The following PSD3 variants were observed in gnomAD, a reference collection of about 807,000 sequenced individuals.
PSD3 encodes the protein pleckstrin and Sec7 domain containing 3, also known as PH and SEC7 domain-containing protein 3.
PSD3 carries 49 observed loss-of-function variants against 105.5 expected under a neutral mutation model. The observed-to-expected ratio is 0.46, with a 90% CI of 0.37 to 0.59. The LOEUF is 0.59. Ranked by LOEUF, PSD3 falls within the 20% of genes least tolerant of loss-of-function variation. PSD3 has a pLI of 0.00. For missense variants in PSD3, 1,561 were observed against 1,263.8 expected (o/e 1.24, Z -3.57); for synonymous variants, 557 against 457.8 (o/e 1.22, Z -2.77).
chr8:18,919,473 G>A (rs774837246), intron 2 of PSD3, among the ~76,000 whole-genome samples: 3 of 151,964 alleles, frequency 2.0e-5, no homozygotes, highest in Non-Finnish European at 4.4e-5. Flanking sequence ...CTAGATTTCT[G>A]AGTCAAACAG....
intron 1 of PSD3, among the ~76,000 whole-genome samples, chr8:18,970,910 C>T (rs962183166): frequency 5.5e-5 from 8 of 144,350 alleles, no homozygotes; most frequent in Non-Finnish European, 1.1e-4. Context: ...ACCCAGGAGG[C>T]GGAGGTTACA....
intron 15 of PSD3, among the ~76,000 whole-genome samples, chr8:18,546,425 A>T (rs1800454123): frequency 6.6e-6 from 1 of 152,184 alleles, no homozygotes. Flanking sequence ...TTCCAACCCA[A>T]GGAGTCAGTG....
intron 1 of PSD3, chr8:19,000,777 A>C (rs2898484): frequency 6.6e-6 from 1 of 151,618 alleles, no homozygotes; most frequent in African/African-American, 2.4e-5. Flanking sequence ...CGTTAGACGA[A>C]GCTAAATATC....
chr8:18,908,016 G>A (rs558081785), intron 2 of PSD3, among the ~76,000 whole-genome samples: 2 of 152,124 alleles, frequency 1.3e-5, no homozygotes, highest in Non-Finnish European at 2.9e-5. Context: ...ACTATCTGTA[G>A]AATATACATA....
chr8:18,645,586 G>A (rs935332490), intron 10 of PSD3, among the ~76,000 whole-genome samples: 2 of 152,128 alleles, frequency 1.3e-5, no homozygotes, highest in Non-Finnish European at 1.5e-5. Context: ...AGATTGTCTT[G>A]TAAGTTTGTT....
chr8:18,556,122 T>G (rs1208205641), intron 15 of PSD3, 87 bp downstream of exon 15: 2 of 1,468,560 alleles, frequency 1.4e-6, no homozygotes, highest in Non-Finnish European at 1.8e-6. Context: ...CCTCTCTCAG[T>G]GACACTGCAA....
chr8:18,768,052 C>G (rs1477716883), intron 8 of PSD3, among the ~76,000 whole-genome samples: 1 of 140,526 alleles, frequency 7.1e-6, no homozygotes, highest in Non-Finnish European at 1.5e-5. Flanking sequence ...AGGCGGATCA[C>G]TTGAGGTCAG....
At chr8:18,798,825 AC>A (rs1393353023) in intron 8 of PSD3, among the ~76,000 whole-genome samples, 2 of 152,108 alleles carry the variant, frequency 1.3e-5, no homozygotes, top group African/African-American at 4.8e-5. Context: ...AGATGATGAG[AC>A]GGTAATTAGT....
intron 9 of PSD3, among the ~76,000 whole-genome samples, chr8:18,669,578 G>T (rs1334623453): frequency 2.0e-5 from 3 of 152,186 alleles, no homozygotes; most frequent in Non-Finnish European, 4.4e-5. Context: ...ATCCACAGTG[G>T]GGAGGCACTG....
intron 15 of PSD3, among the ~76,000 whole-genome samples, chr8:18,552,872 G>A (rs987344936): frequency 6.6e-6 from 1 of 152,176 alleles, no homozygotes; most frequent in African/African-American, 2.4e-5. Flanking sequence ...CCCATTCTGA[G>A]TAAAGTTTGC....
intron 14 of PSD3, among the ~76,000 whole-genome samples, chr8:18,556,779 T>C (rs376078494): frequency 5.9e-5 from 9 of 152,332 alleles, no homozygotes; most frequent in African/African-American, 2.2e-4. Flanking sequence ...AATGAATGAA[T>C]TGTAATTGTC....
At chr8:18,851,513 C>A (rs530652286) in intron 4 of PSD3, among the ~76,000 whole-genome samples, 1 of 152,246 alleles carries the variant, frequency 6.6e-6, no homozygotes, top group Non-Finnish European at 1.5e-5. Context: ...CCCTCTGCTA[C>A]GAGGCAAGCT....
intron 9 of PSD3, among the ~76,000 whole-genome samples, chr8:18,706,109 G>C (rs1481236778): frequency 6.6e-6 from 1 of 152,092 alleles, no homozygotes; most frequent in African/African-American, 2.4e-5. Flanking sequence ...CACAGGAAGG[G>C]CTTGTCACTG....
intron 4 of PSD3, among the ~76,000 whole-genome samples, chr8:18,861,896 G>T (rs1432890342): frequency 6.6e-6 from 1 of 151,982 alleles, no homozygotes; most frequent in African/African-American, 2.4e-5. Context: ...AGAACAAGCT[G>T]CCAGAAAAGA....
At chr8:18,624,616 G>C (rs573688611) in intron 11 of PSD3, among the ~76,000 whole-genome samples, 3 of 148,452 alleles carry the variant, frequency 2.0e-5, no homozygotes, top group Non-Finnish European at 4.5e-5. Context: ...CAGCACACCA[G>C]CATGGCACAT....
chr8:18,865,266 A>T (rs868479431), intron 4 of PSD3: 3 of 3,286 alleles, frequency 9.1e-4, no homozygotes, highest in African/African-American at 2.4e-3. Flanking sequence ...ATATATATAT[A>T]TATATATATA....
chr8:18,935,803 G>A (rs142273591), intron 2 of PSD3, among the ~76,000 whole-genome samples: 157 of 152,140 alleles, frequency 1.0e-3, no homozygotes, highest in African/African-American at 3.7e-3. Context: ...AATATCAGAA[G>A]CTGAGAATTC....
intron 9 of PSD3, among the ~76,000 whole-genome samples, chr8:18,676,759 T>A (rs1025615517): frequency 6.6e-6 from 1 of 152,204 alleles, no homozygotes; most frequent in African/African-American, 2.4e-5. Flanking sequence ...ATCTGTGCTT[T>A]GCCTAATAAA....
rs1056781547 is a variant in PSD3 at position 18,531,908 on chromosome 8, G to C, written c.*3835C>G. 3.3e-5 allele frequency: 5 copies of C among 152,188 alleles called. No homozygotes were observed. Among genetic ancestry groups the C allele is most frequent in the Non-Finnish European group, 7.3e-5 (5 of 68,048 alleles). The allele number at this position is 152,188 out of a possible 1,614,324, so 9.4% of individuals were successfully genotyped here. ...CCCAACCTGCTGAAAACTCGACCAA[G>C]TCCACGGGAGTTAAATTACAGAGAT... On this transcript the variant is annotated 3_prime_UTR_variant, in exon 16 of 16. Coordinates refer to ENST00000327040, the MANE Select transcript of PSD3 (RefSeq NM_015310.4).
Sources: gnomAD v4.1 joint callset for allele counts (sites outside exome capture counted in the v4.1 genomes callset) on GRCh38, gnomAD v4.1.1 for gene constraint, MANE v1.5 for transcripts, NCBI Gene and HGNC (gene_info 2026-07-23, HGNC 2026-07-21) for gene names.